RPS6KA4: variants seen among roughly 807,000 people sequenced by gnomAD.
RPS6KA4 encodes ribosomal protein S6 kinase alpha-4.
A neutral mutation model predicts 89.6 loss-of-function variants in RPS6KA4; 38 were observed. The ratio of observed to expected loss-of-function variants is 0.42; its 90% CI spans 0.33 to 0.56. The LOEUF (loss-of-function observed/expected upper bound fraction) is 0.56. Ranked by LOEUF, RPS6KA4 falls within the 20% of genes least tolerant of loss-of-function variation. The pLI, the probability that RPS6KA4 is intolerant of heterozygous loss-of-function variation, is 0.07. For synonymous variants in RPS6KA4, 495 were observed against 492.8 expected, an observed-to-expected ratio of 1.00 and a Z score of -0.06; for missense variants, 873 against 1,098.8, an observed-to-expected ratio of 0.79 and a Z score of 2.90.
At chr11:64,360,083 G>A in intron 2 of RPS6KA4, 80 bp from the exon 3 acceptor site, 2 of 1,347,908 alleles carry the variant, frequency 1.5e-6, no homozygotes, top group Non-Finnish European at 2.0e-6. Context: ...ACCCTCCTGG[G>A]TTGGCATCGC....
At position 64,371,413 on chromosome 11, in the gene RPS6KA4, C is replaced by T. The variant is rs1382584499; in HGVS notation, c.2252C>T (p.Pro751Leu). ...SRRGSPAPAN[P>L]GRAPVASKGA... ...CGGGGCTCCCCTGCACCAGCCAACC[C>T]GGGCCGAGCCCCCGTCGCCTCCAAA... The change falls in exon 17 of 17, where the codon CCG becomes CTG. Residue 751 changes from proline (P) to leucine (L), a missense_variant. Coordinates refer to ENST00000334205, the MANE Select transcript of RPS6KA4 (RefSeq NM_003942.3). 3 of 1,608,900 alleles carry T rather than the reference C, an allele frequency of 1.9e-6. No individual in the cohort carries two copies. The Admixed American group carries it at 5.0e-5, about 27-fold the overall frequency.
In RPS6KA4 at chr11:64,364,684, C is replaced by A. The variant is rs188800443; in HGVS notation, c.907-617C>A. ...GGTCCCCAGCAGTTCCAGACCACAT[C>A]CTCTTAGATTTAAGTCCAGCAGGAG... On this transcript the variant is annotated intron_variant, in intron 8 of 16. Transcript: ENST00000334205. 3.0e-4 allele frequency among the ~76,000 whole-genome samples: 45 copies of A among 151,590 alleles called. No homozygotes were observed. The East Asian group carries it at 8.5e-3, about 29-fold the overall frequency.
chr11:64,363,790 C>G (rs1203962585), intron 8 of RPS6KA4, among the ~76,000 whole-genome samples: 1 of 152,118 alleles, frequency 6.6e-6, no homozygotes, highest in Non-Finnish European at 1.5e-5. Context: ...CCACGCCTGG[C>G]CTCCTTCTGC....
chr11:64,371,451 C>A lies in RPS6KA4; in HGVS notation c.2290C>A (p.Arg764=), dbSNP rs747874901. 6.5e-7 allele frequency: 1 copy of A among 1,528,198 alleles called. No homozygotes were observed. The highest frequency in any genetic ancestry group is 2.3e-5 in the East Asian group (1 of 43,242). 94.7% of individuals were successfully genotyped at this position (1,528,198 alleles called of 1,614,324 possible). A position where few individuals can be genotyped will look rare whatever the true frequency, so the allele number is the denominator to read the frequency against. ...CGTCGCCTCCAAAGGGGCCCCCCGCCGAGCCAACGGCCCCCTGCCCCCCTC... is the reference window on the plus strand; with the variant it reads ...CGTCGCCTCCAAAGGGGCCCCCCGCAGAGCCAACGGCCCCCTGCCCCCCTC... The part of the protein sequence containing the change: ...APVASKGAPR[R]ANGPLPPS Residue 764 remains arginine, a synonymous_variant, in exon 17 of 17, where the codon CGA becomes AGA. Transcript: ENST00000334205.
chr11:64,368,912 G>A (rs1247833233), intron 12 of RPS6KA4, 115 bp downstream of exon 12: 2 of 992,922 alleles, frequency 2.0e-6, no homozygotes, highest in African/African-American at 3.3e-5. Flanking sequence ...TTGATTCGGG[G>A]CCCAAAGGGA....
At position 64,369,755 on chromosome 11, in the gene RPS6KA4, G is replaced by T. The variant is rs770308278; in HGVS notation, c.1659G>T (p.Gly553=). Residue 553 remains glycine, a synonymous_variant, in exon 14 of 17, where the codon GGG becomes GGT. Coordinates refer to ENST00000334205, the MANE Select transcript of RPS6KA4 (RefSeq NM_003942.3). ...PGAPVKIIDF[G]FARLRPQSPG... Reference sequence around the variant, plus strand: ...CCCCGGTGAAAATCATCGACTTCGGGTTCGCGCGGTTGCGGCCGCAGAGTC... The same window carrying T: ...CCCCGGTGAAAATCATCGACTTCGGTTTCGCGCGGTTGCGGCCGCAGAGTC... The T allele has an allele frequency of 1.3e-5, 21 of 1,611,640 alleles. No individual in the cohort carries two copies. The highest frequency in any genetic ancestry group is 1.8e-5 in the Non-Finnish European group (21 of 1,179,400).
chr11:64,370,641 C>G lies in RPS6KA4; in HGVS notation c.2036C>G (p.Ala679Gly). The G allele has an allele frequency of 6.4e-7, 1 of 1,573,052 alleles. No individual in the cohort carries two copies. The highest frequency in any genetic ancestry group is 8.6e-7 in the Non-Finnish European group (1 of 1,166,594). The change falls in exon 16 of 17, where the codon GCG becomes GGG. Residue 679 changes from alanine (A) to glycine (G), a missense_variant. Physicochemically the swap from Ala to Gly is moderately conservative, Grantham distance 60 (BLOSUM62 0). Transcript: ENST00000334205. The surrounding 1 kb of genome is among the most constrained non-coding windows in gnomAD (Gnocchi z 4.1). Reference sequence around the variant, plus strand: ...AGCTCGTGGCTGCAGGACGGCAGCGCGCGCTCCTCGCCCCCGCTCCGGACG... The same window carrying G: ...AGCTCGTGGCTGCAGGACGGCAGCGGGCGCTCCTCGCCCCCGCTCCGGACG... ...RGSSWLQDGS[A>G]RSSPPLRTPD... is the part of the protein sequence containing the mutation.
chr11:64,360,712 C>A, intron 4 of RPS6KA4, 120 bp downstream of exon 4: 2 of 866,632 alleles, frequency 2.3e-6, no homozygotes, highest in Non-Finnish European at 3.5e-6. Flanking sequence ...CAGTGGTGAG[C>A]TGGGTGGGAA....
intron 4 of RPS6KA4, 164 bp downstream of exon 4, chr11:64,360,756 G>A (rs1263942686): frequency 1.6e-6 from 1 of 642,150 alleles, no homozygotes; most frequent in East Asian, 2.8e-5. Flanking sequence ...CTTGCAGGAA[G>A]CCTCAACGTT....
Position 64,370,344 on chromosome 11 carries a change from C to T in RPS6KA4, c.1917C>T (p.Ala639=), listed in dbSNP as rs759496505. The T allele has an allele frequency of 6.2e-7, 1 of 1,606,876 alleles. No individual in the cohort carries two copies. The highest frequency in any genetic ancestry group is 2.2e-5 in the East Asian group (1 of 44,776). ...REGRFSLDGE[A]WQGVSEEAKE... is the part of the protein sequence containing the mutation. ...GGCGCTTCTCCCTTGACGGGGAGGC[C>T]TGGCAGGGTGTATCCGAGGAAGCCA... The change falls in exon 15 of 17, where the codon GCC becomes GCT. Residue 639 remains alanine (A), a synonymous_variant. Coordinates refer to ENST00000334205, the MANE Select transcript of RPS6KA4 (RefSeq NM_003942.3). This position sits in a 1 kb window ranked among gnomAD's most constrained non-coding sequence, Gnocchi z 4.1.
In RPS6KA4 at chr11:64,361,701, C is replaced by T. The variant is rs367811170; in HGVS notation, c.711C>T (p.Pro237=). ...LLFELLTGAS[P]FTLEGERNTQ... ...TCGAGCTGCTGACGGGGGCCTCGCCCTTCACCCTGGAGGGCGAGAGGAACA... is the reference window on the plus strand; with the variant it reads ...TCGAGCTGCTGACGGGGGCCTCGCCTTTCACCCTGGAGGGCGAGAGGAACA... The change falls in exon 7 of 17, where the codon CCC becomes CCT. Residue 237 remains proline (P), a synonymous_variant. Coordinates refer to ENST00000334205, the MANE Select transcript of RPS6KA4 (RefSeq NM_003942.3). This position sits in a 1 kb window ranked among gnomAD's most constrained non-coding sequence, Gnocchi z 4.7. 6.2e-7 allele frequency: 1 copy of T among 1,611,270 alleles called. No homozygotes were observed. Among genetic ancestry groups the T allele is most frequent in the Non-Finnish European group, 8.5e-7 (1 of 1,179,360 alleles).
In RPS6KA4 at chr11:64,368,375, G is replaced by A. The variant is rs922668862; in HGVS notation, c.1201-93G>A. On this transcript the variant is annotated intron_variant, in intron 10 of 16. Coordinates refer to ENST00000334205, the MANE Select transcript of RPS6KA4 (RefSeq NM_003942.3). ...CAGCGTGAGCTCAGCAAGGTCCTAA[G>A]CCTCTCCGACATGGGGCGTGGCGGG... The A allele has an allele frequency of 2.0e-5, 31 of 1,544,688 alleles. No individual in the cohort carries two copies. The African/African-American group carries it at 3.0e-4, about 15-fold the overall frequency.
rs1383833057 is a variant in RPS6KA4 at position 64,359,188 on chromosome 11, G to A, written c.-48G>A. ...CCCCGGCCGGAGCCGCCATGTAACC[G>A]GCGCCGCCCGGAGCCCGAGCCGCGC... On this transcript the variant is annotated 5_prime_UTR_variant, in exon 1 of 17. Coordinates refer to ENST00000334205, the MANE Select transcript of RPS6KA4 (RefSeq NM_003942.3). The A allele has an allele frequency of 8.0e-7, 1 of 1,250,860 alleles. No homozygotes were observed. Among genetic ancestry groups the A allele is most frequent in the South Asian group, 3.4e-5 (1 of 29,446 alleles). The allele number at this position is 1,250,860 out of a possible 1,614,324, so 77.5% of individuals were successfully genotyped here. A position where few individuals can be genotyped will look rare whatever the true frequency, so the allele number is the denominator to read the frequency against.
chr11:64,368,434 C>CCGCCTTCGCCTT (rs751418605), intron 10 of RPS6KA4, 34 bp from the exon 11 acceptor site: 20 of 1,544,324 alleles, frequency 1.3e-5, no homozygotes, highest in East Asian at 7.3e-5. Flanking sequence ...CTCTGACGCG[C>CCGCCTTCGCCTT]CGCCTTCGCC....
Position 64,368,565 on chromosome 11 carries a change from G to A in RPS6KA4, c.1298G>A (p.Ser433Asn), listed in dbSNP as rs1379442123. The A allele has an allele frequency of 6.3e-7, 1 of 1,599,218 alleles. No individual in the cohort carries two copies. Among genetic ancestry groups the A allele is most frequent in the Non-Finnish European group, 8.5e-7 (1 of 1,175,314 alleles). The change falls in exon 11 of 17, where the codon AGC becomes AAC. Residue 433 changes from serine (S) to asparagine (N), a missense_variant. By Grantham distance (46) the Ser-to-Asn change is conservative (BLOSUM62 1). This residue lies in a region of RPS6KA4 where 542 missense variants were observed against 736.4 expected (regional missense o/e 0.74). Coordinates refer to ENST00000334205, the MANE Select transcript of RPS6KA4 (RefSeq NM_003942.3). The stretch of plus-strand genomic sequence containing the variant: ...TGTCGCCGCTGCCGCCAGCGCCAGA[G>A]CGGCCAGGAGTTCGCAGTCAAGATC... ...SVCRRCRQRQ[S>N]GQEFAVKILS... is the part of the protein sequence containing the mutation.
intron 8 of RPS6KA4, among the ~76,000 whole-genome samples, chr11:64,362,390 CT>C (rs1160673416): frequency 6.6e-6 from 1 of 152,224 alleles, no homozygotes; most frequent in Non-Finnish European, 1.5e-5. Context: ...ACACTTATGG[CT>C]TTTAGCACCC....
In RPS6KA4 at chr11:64,371,414, G is replaced by A. The variant is rs759846234; in HGVS notation, c.2253G>A (p.Pro751=). ...SRRGSPAPAN[P]GRAPVASKGA... The stretch of plus-strand genomic sequence containing the variant: ...GGGGCTCCCCTGCACCAGCCAACCC[G>A]GGCCGAGCCCCCGTCGCCTCCAAAG... Residue 751 remains proline, a synonymous_variant, in exon 17 of 17, where the codon CCG becomes CCA. Coordinates refer to ENST00000334205, the MANE Select transcript of RPS6KA4 (RefSeq NM_003942.3). 1.2e-6 allele frequency: 2 copies of A among 1,608,920 alleles called. No individual in the cohort carries two copies. Among genetic ancestry groups the A allele is most frequent in the East Asian group, 2.2e-5 (1 of 44,768 alleles).
intron 12 of RPS6KA4, 31 bp downstream of exon 12, chr11:64,368,828 A>C: frequency 6.7e-7 from 1 of 1,498,998 alleles, no homozygotes; most frequent in African/African-American, 1.4e-5. Context: ...GAGGGCGGAG[A>C]GAAAAGGGGC....
Position 64,361,689 on chromosome 11 carries a change from G to A in RPS6KA4, c.699G>A (p.Thr233=), listed in dbSNP as rs373639233. The change falls in exon 7 of 17, where the codon ACG becomes ACA. Residue 233 remains threonine (T), a synonymous_variant. Transcript: ENST00000334205. This position sits in a 1 kb window ranked among gnomAD's most constrained non-coding sequence, Gnocchi z 4.7. The part of the protein sequence containing the change: ...SLGILLFELL[T]GASPFTLEGE... ...GCATCTTGCTCTTCGAGCTGCTGAC[G>A]GGGGCCTCGCCCTTCACCCTGGAGG... The A allele has an allele frequency of 5.2e-5, 84 of 1,612,414 alleles. No individual in the cohort carries two copies. Among genetic ancestry groups the A allele is most frequent in the African/African-American group, 2.9e-4 (22 of 74,978 alleles).
Sources: allele counts gnomAD v4.1 joint callset (sites outside exome capture counted in the v4.1 genomes callset), GRCh38; gene constraint gnomAD v4.1.1; regional missense constraint gnomAD v4.1.1; non-coding constraint Gnocchi (gnomAD v3.1); transcripts MANE v1.5; gene names NCBI Gene and HGNC (gene_info 2026-07-23, HGNC 2026-07-21).